The following KCNC1 variants were observed in gnomAD, a reference collection of about 807,000 sequenced individuals.
KCNC1 encodes voltage-gated potassium channel KCNC1.
Under a neutral mutation model 43.4 loss-of-function variants are expected in KCNC1, and 8 were observed. The observed-to-expected ratio is 0.18, with a 90% CI of 0.11 to 0.33. KCNC1 has a LOEUF of 0.33. KCNC1 is among the 10% of genes least tolerant of loss of function. The pLI is 1.00. For synonymous variants in KCNC1, 361 were observed against 360.5 expected, an observed-to-expected ratio of 1.00 and a Z score of -0.01; for missense variants, 420 against 836.0, an observed-to-expected ratio of 0.50 and a Z score of 6.14.
At chr11:17,746,312 C>T (rs1033510794) in intron 1 of KCNC1, among the ~76,000 whole-genome samples, 6 of 152,240 alleles carry the variant, frequency 3.9e-5, no homozygotes, top group Non-Finnish European at 7.3e-5. Flanking sequence ...GCTTAACCCT[C>T]TGTCTTTTCG....
chr11:17,740,220 G>C (rs577793088), intron 1 of KCNC1, among the ~76,000 whole-genome samples: 2 of 152,274 alleles, frequency 1.3e-5, no homozygotes, highest in African/African-American at 4.8e-5. Context: ...CCTGTGCTCT[G>C]GGCATCAGCC....
At chr11:17,761,964 A>G (rs73424014) in intron 1 of KCNC1, among the ~76,000 whole-genome samples, 8,806 of 152,168 alleles carry the variant, frequency 0.058, 759 homozygotes, top group African/African-American at 0.19. Context: ...CTCCAGGGAA[A>G]GGTTCTTACT....
At position 17,779,063 on chromosome 11, in the gene KCNC1, G is replaced by A. The variant is rs117147387; in HGVS notation, c.1505-393G>A. ...CCTCTCTGGACTGGAGTGTTTCTGC[G>A]TGTCTGTCTGTCTTCTCCCTGAGCT... On this transcript the variant is annotated intron_variant, in intron 2 of 3. Coordinates refer to ENST00000265969, the MANE Select transcript of KCNC1 (RefSeq NM_001112741.2). This position sits in a 1 kb window ranked among gnomAD's most constrained non-coding sequence, Gnocchi z 7.2. The A allele has an allele frequency of 2.1e-3, 350 of 168,408 alleles. 1 individual carries two copies. Among genetic ancestry groups the A allele is most frequent in the Non-Finnish European group, 3.8e-3 (302 of 78,842 alleles). The allele number at this position is 168,408 out of a possible 1,614,324, so 10.4% of individuals were successfully genotyped here.
chr11:17,766,464 G>T (rs567806340), intron 1 of KCNC1, among the ~76,000 whole-genome samples: 2 of 152,272 alleles, frequency 1.3e-5, no homozygotes, highest in East Asian at 3.9e-4. Context: ...CCCTAATCTT[G>T]CCTGTGACCC....
chr11:17,745,117 T>C (rs1488836893), intron 1 of KCNC1, among the ~76,000 whole-genome samples: 1 of 152,152 alleles, frequency 6.6e-6, no homozygotes, highest in Non-Finnish European at 1.5e-5. Flanking sequence ...AGATGATTCA[T>C]GCACGGTGGA....
At chr11:17,775,281 T>TTGCCCCCCCCCCCC in intron 2 of KCNC1, 2 of 935,832 alleles carry the variant, frequency 2.1e-6, no homozygotes, top group Non-Finnish European at 2.5e-6. Flanking sequence ...TCTGAGGGCA[T>TTGCCCCCCCCCCCC]CCCTCCCGCC....
chr11:17,744,114 C>T (rs1405759671), intron 1 of KCNC1, among the ~76,000 whole-genome samples: 1 of 152,136 alleles, frequency 6.6e-6, no homozygotes, highest in Admixed American at 6.5e-5. Flanking sequence ...GTGAAACCAG[C>T]TGGGCTACCT....
intron 1 of KCNC1, among the ~76,000 whole-genome samples, chr11:17,747,701 G>C (rs1177677925): frequency 3.3e-5 from 5 of 152,226 alleles, no homozygotes; most frequent in Non-Finnish European, 7.3e-5. Flanking sequence ...TCAGGAACCA[G>C]CCTCGCTGGG....
rs573610082 is a variant in KCNC1, at chr11:17,771,578, C to T, written c.571-87C>T. Reference sequence around the variant, plus strand: ...GGGGCCTGGTGCTGGCATCTCCCCCCGCCTGGCCCTGGGACTGGACAGAGG... The same window carrying T: ...GGGGCCTGGTGCTGGCATCTCCCCCTGCCTGGCCCTGGGACTGGACAGAGG... On this transcript the variant is annotated intron_variant, in intron 1 of 3. Coordinates refer to ENST00000265969, the MANE Select transcript of KCNC1 (RefSeq NM_001112741.2). This position sits in a 1 kb window ranked among gnomAD's most constrained non-coding sequence, Gnocchi z 4.7. 9.9e-4 allele frequency: 1,172 copies of T among 1,179,496 alleles called. 1 individual carries two copies. The highest frequency in any genetic ancestry group is 1.3e-3 in the Non-Finnish European group (1,080 of 827,542). The allele number at this position is 1,179,496 out of a possible 1,614,324, so 73.1% of individuals were successfully genotyped here.
chr11:17,763,523 A>ACACACC (rs776340102), intron 1 of KCNC1, among the ~76,000 whole-genome samples: 104 of 148,494 alleles, frequency 7.0e-4, no homozygotes, highest in Non-Finnish European at 1.3e-3. Context: ...CACGCAATGC[A>ACACACC]CACACCCACA....
At chr11:17,767,604 G>A (rs1849169136) in intron 1 of KCNC1, among the ~76,000 whole-genome samples, 3 of 152,222 alleles carry the variant, frequency 2.0e-5, no homozygotes, top group African/African-American at 4.8e-5. Context: ...TCTAGACTTA[G>A]GAGGACACTG....
rs1849348313 is a variant in KCNC1 at position 17,781,692 on chromosome 11, C to A, written c.1716C>A (p.Val572=). The change falls in exon 4 of 4, where the codon GTC becomes GTA. Residue 572 remains valine (V), a synonymous_variant. Coordinates refer to ENST00000265969, the MANE Select transcript of KCNC1 (RefSeq NM_001112741.2). The surrounding 1 kb of genome is among the most constrained non-coding windows in gnomAD (Gnocchi z 5.1). ...CAGATCTTTGCAAAGAAAGCCCTGT[C>A]ATTGCTAAGTATATGCCGACAGAGG... ...MRKDLCKESP[V]IAKYMPTEAV... 3 of 1,551,212 alleles carry A rather than the reference C, an allele frequency of 1.9e-6. No individual in the cohort carries two copies. The African/African-American group carries it at 4.1e-5, about 21-fold the overall frequency.
rs965372612 is a variant in KCNC1 at position 17,750,825 on chromosome 11, C to T, written c.570+14253C>T. ...TTCCTTTAGGGAGCCTTTCCCGACA[C>T]CCTCTACCTCCTGGAAGAGCCTGCT... On this transcript the variant is annotated intron_variant, in intron 1 of 3. Transcript: ENST00000265969. Among the ~76,000 whole-genome samples the T allele has an allele frequency of 9.8e-5, 15 of 152,328 alleles. No homozygotes were observed. In the South Asian group the frequency reaches 3.1e-3, roughly 32 times the overall value.
chr11:17,777,637 T>A lies in KCNC1; in HGVS notation c.1505-1819T>A. 2.0e-6 allele frequency: 2 copies of A among 985,632 alleles called. No individual in the cohort carries two copies. Among genetic ancestry groups the A allele is most frequent in the Non-Finnish European group, 2.4e-6 (2 of 829,896 alleles). The allele number at this position is 985,632 out of a possible 1,614,324, so 61.1% of individuals were successfully genotyped here. On this transcript the variant is annotated intron_variant, in intron 2 of 3. Coordinates refer to ENST00000265969, the MANE Select transcript of KCNC1 (RefSeq NM_001112741.2). The surrounding 1 kb of genome is among the most constrained non-coding windows in gnomAD (Gnocchi z 4.3). Reference sequence around the variant, plus strand: ...CGGCCCCAGTCACATGGTGTCAGAGTTACCTTGGCAACTGGCCTTTTTGGT... The same window carrying A: ...CGGCCCCAGTCACATGGTGTCAGAGATACCTTGGCAACTGGCCTTTTTGGT...
intron 1 of KCNC1, among the ~76,000 whole-genome samples, chr11:17,767,284 CA>C (rs71483495): frequency 0.23 from 21,723 of 95,592 alleles, 1,652 homozygotes; most frequent in African/African-American, 0.31. Flanking sequence ...GACTCCGTCT[CA>C]AAAAAAAAAA....
intron 1 of KCNC1, among the ~76,000 whole-genome samples, chr11:17,762,060 C>T (rs953512950): frequency 2.0e-5 from 3 of 152,206 alleles, no homozygotes; most frequent in Non-Finnish European, 2.9e-5. Flanking sequence ...ACAGCTCCTC[C>T]GGCCCCATCC....
rs1237961694 is a variant in KCNC1 at position 17,776,186 on chromosome 11, T to C, written c.1505-3270T>C. On this transcript the variant is annotated intron_variant, in intron 2 of 3. Coordinates refer to ENST00000265969, the MANE Select transcript of KCNC1 (RefSeq NM_001112741.2). This position sits in a 1 kb window ranked among gnomAD's most constrained non-coding sequence, Gnocchi z 4.4. ...GTTCTTTTCCGTGTTGTTCACATTT[T>C]CTCTCTTTCTCTCTCTCTCCACTAA... 2 of 985,282 alleles carry C rather than the reference T, an allele frequency of 2.0e-6. No individual in the cohort carries two copies. The highest frequency in any genetic ancestry group is 2.4e-6 in the Non-Finnish European group (2 of 829,918). 61.0% of individuals were successfully genotyped at this position (985,282 alleles called of 1,614,324 possible).
chr11:17,781,791 C>A lies in KCNC1; in HGVS notation c.*57C>A. The A allele has an allele frequency of 1.7e-6, 2 of 1,159,568 alleles. No individual in the cohort carries two copies. The highest frequency in any genetic ancestry group is 2.5e-6 in the Non-Finnish European group (2 of 789,460). The allele number at this position is 1,159,568 out of a possible 1,614,324, so 71.8% of individuals were successfully genotyped here. A position where few individuals can be genotyped will look rare whatever the true frequency, so the allele number is the denominator to read the frequency against. ...ATTAAGCATCTGGGTGGACCTGCAGCCCCTCCTCACCCTCGGACAGAGTAA... is the reference window on the plus strand; with the variant it reads ...ATTAAGCATCTGGGTGGACCTGCAGACCCTCCTCACCCTCGGACAGAGTAA... On this transcript the variant is annotated 3_prime_UTR_variant, in exon 4 of 4. Coordinates refer to ENST00000265969, the MANE Select transcript of KCNC1 (RefSeq NM_001112741.2). This position sits in a 1 kb window ranked among gnomAD's most constrained non-coding sequence, Gnocchi z 5.1.
intron 1 of KCNC1, among the ~76,000 whole-genome samples, chr11:17,765,571 C>T (rs1423421960): frequency 2.0e-5 from 3 of 152,184 alleles, no homozygotes; most frequent in Non-Finnish European, 2.9e-5. Context: ...GTTGCCATGG[C>T]GACCACTTTC....
Sources: gnomAD v4.1 joint callset for allele counts (sites outside exome capture counted in the v4.1 genomes callset) on GRCh38, gnomAD v4.1.1 for gene constraint, Gnocchi (gnomAD v3.1) non-coding constraint, MANE v1.5 for transcripts, NCBI Gene and HGNC (gene_info 2026-07-23, HGNC 2026-07-21) for gene names.